Variants in HBS1L observed in about 807,000 individuals in gnomAD.
HBS1L encodes the protein HBS1 like translational GTPase.
In HBS1L, 55 loss-of-function variants were observed where a neutral mutation model predicts 88.9. That is an observed-to-expected ratio of 0.62 (90% CI 0.50 to 0.77). HBS1L has a LOEUF of 0.77. HBS1L is among the 30% of genes least tolerant of loss of function. The probability of loss-of-function intolerance (pLI) is 0.00; values close to 1 mark genes in which losing one functional copy is unlikely to be tolerated. For missense variants in HBS1L, 741 were observed against 829.3 expected (o/e 0.89, Z 1.31); for synonymous variants, 267 against 288.5 (o/e 0.93, Z 0.76).
intron 13 of HBS1L, among the ~76,000 whole-genome samples, chr6:134,981,897 T>C (rs1423498850): frequency 2.6e-5 from 4 of 152,164 alleles, no homozygotes. Context: ...TAGATCTATA[T>C]GCAGAAACAG....
Position 135,025,566 on chromosome 6 carries a change from G to A in HBS1L, c.430+14007C>T, listed in dbSNP as rs117414265. Among the ~76,000 whole-genome samples the A allele has an allele frequency of 6.6e-3, 1,005 of 152,192 alleles. 6 individuals are homozygous for A. The highest frequency in any genetic ancestry group is 0.011 in the Non-Finnish European group (730 of 68,024). ...TGACCTAAGGATAAACAGCAAGTTC[G>A]AGAGTACAAGGTGGTCCGAGCTCAG... On this transcript the variant is annotated intron_variant, in intron 4 of 17. Coordinates refer to ENST00000367837, the MANE Select transcript of HBS1L (RefSeq NM_006620.4).
chr6:135,039,585 T>C lies in HBS1L; in HGVS notation c.418A>G (p.Lys140Glu). 4 of 1,613,908 alleles carry C rather than the reference T, an allele frequency of 2.5e-6. No homozygotes were observed. Among genetic ancestry groups the C allele is most frequent in the Non-Finnish European group, 3.4e-6 (4 of 1,179,894 alleles). ...DKNEATVSTG[K>E]IAKGKPVDSQ... ...AGTAAAGGCATACCTTTTGCTATCT[T>C]TCCTGTAGATACTGTTGCCTCATTC... The change falls in exon 4 of 18, where the codon AAG becomes GAG. Residue 140 changes from lysine to glutamate, a missense_variant. Around this residue, in one of 3 missense-constraint regions of HBS1L, gnomAD observed 556 missense variants for 598.4 expected, o/e 0.93. Transcript: ENST00000367837.
chr6:135,011,776 C>T (rs960236674), intron 4 of HBS1L, among the ~76,000 whole-genome samples: 2 of 151,646 alleles, frequency 1.3e-5, no homozygotes, highest in Non-Finnish European at 2.9e-5. Flanking sequence ...CGTGGTGGCA[C>T]GCACCTGTAA....
chr6:135,042,814 A>T (rs1776783412), intron 2 of HBS1L, among the ~76,000 whole-genome samples: 1 of 91,042 alleles, frequency 1.1e-5, no homozygotes, highest in African/African-American at 5.4e-5. Flanking sequence ...ACTCCGTCTC[A>T]AAAAAAAAAA....
In HBS1L at chr6:135,052,041, A is replaced by C. The variant is rs556156540; in HGVS notation, c.44-1394T>G. Among the ~76,000 whole-genome samples the C allele has an allele frequency of 2.0e-5, 3 of 152,334 alleles. No homozygotes were observed. In the South Asian group the frequency reaches 6.2e-4, roughly 32 times the overall value. On this transcript the variant is annotated intron_variant, in intron 1 of 17. Coordinates refer to ENST00000367837, the MANE Select transcript of HBS1L (RefSeq NM_006620.4). ...AACTAGAACCGGGAGTGGGGCAGCT[A>C]GGGAAAGATCCCCATTAATATAATA...
intron 2 of HBS1L, among the ~76,000 whole-genome samples, chr6:135,048,451 C>A (rs1281207255): frequency 6.6e-6 from 1 of 152,188 alleles, no homozygotes; most frequent in Non-Finnish European, 1.5e-5. Flanking sequence ...ATCAGCCATG[C>A]AGTGCCTCCC....
rs1776562043 is a variant in HBS1L, at chr6:135,036,711, G to C, written c.430+2862C>G. The C allele has an allele frequency of 1.9e-6, 3 of 1,551,152 alleles. No individual in the cohort carries two copies. In the African/African-American group the frequency reaches 4.1e-5, roughly 21 times the overall value. On this transcript the variant is annotated intron_variant, in intron 4 of 17. Coordinates refer to ENST00000367837, the MANE Select transcript of HBS1L (RefSeq NM_006620.4). Reference sequence around the variant, plus strand: ...TACTATAAAGAAAAGTCTTATAGAGGTCAAGGGTGCGTCGCTTGCAGCTTT... The same window carrying C: ...TACTATAAAGAAAAGTCTTATAGAGCTCAAGGGTGCGTCGCTTGCAGCTTT...
In HBS1L at chr6:134,965,148, T is replaced by C; in HGVS notation, c.*131A>G. 1.2e-6 allele frequency: 1 copy of C among 805,538 alleles called. No individual in the cohort carries two copies. The highest frequency in any genetic ancestry group is 2.5e-5 in the East Asian group (1 of 39,752). The allele number at this position is 805,538 out of a possible 1,614,324, so 49.9% of individuals were successfully genotyped here. ...ATTAATACTTCTTTGCAGCTAATTT[T>C]AGCTTTAATTTTTCTCTCTCATCTA... On this transcript the variant is annotated 3_prime_UTR_variant, in exon 18 of 18. Transcript: ENST00000367837.
At chr6:134,975,477 T>C (rs181706174) in intron 15 of HBS1L, among the ~76,000 whole-genome samples, 24 of 152,238 alleles carry the variant, frequency 1.6e-4, no homozygotes, top group Non-Finnish European at 2.9e-4. Flanking sequence ...AGAGCAAATC[T>C]GGAGGCATCA....
At chr6:135,039,008 G>C (rs1776644786) in intron 4 of HBS1L, among the ~76,000 whole-genome samples, 1 of 152,030 alleles carries the variant, frequency 6.6e-6, no homozygotes, top group South Asian at 2.1e-4. Context: ...TTTCCACTAT[G>C]TTGTTATAAA....
intron 8 of HBS1L, among the ~76,000 whole-genome samples, chr6:134,988,044 G>A (rs1474478147): frequency 3.9e-5 from 6 of 152,156 alleles, no homozygotes; most frequent in African/African-American, 9.6e-5. Flanking sequence ...AAGCAAAGGA[G>A]GAAAAATATA....
chr6:135,045,339 A>C (rs1431476898), intron 2 of HBS1L, among the ~76,000 whole-genome samples: 1 of 152,220 alleles, frequency 6.6e-6, no homozygotes, highest in Non-Finnish European at 1.5e-5. Flanking sequence ...GACACCTATA[A>C]TTTTTAAAAT....
chr6:134,975,712 A>C (rs1774623558), intron 15 of HBS1L, among the ~76,000 whole-genome samples: 1 of 152,120 alleles, frequency 6.6e-6, no homozygotes, highest in Non-Finnish European at 1.5e-5. Context: ...CTGGATAGCT[A>C]CATATGGAAG....
intron 4 of HBS1L, chr6:135,036,783 A>G: frequency 6.4e-7 from 1 of 1,551,684 alleles, no homozygotes; most frequent in Non-Finnish European, 8.7e-7. Context: ...CTGAAGGTCT[A>G]GCAGCAAGGG....
At chr6:135,025,233 G>C (rs563333927) in intron 4 of HBS1L, among the ~76,000 whole-genome samples, 15 of 152,248 alleles carry the variant, frequency 9.9e-5, no homozygotes, top group African/African-American at 3.1e-4. Flanking sequence ...TAACACCAAA[G>C]CACAAACTAT....
chr6:134,966,227 T>G, intron 17 of HBS1L, 102 bp downstream of exon 17: 1 of 1,067,606 alleles, frequency 9.4e-7, no homozygotes. Flanking sequence ...AATCAATGCT[T>G]TTTCTTTCAT....
At chr6:135,020,838 CG>C (rs541254610) in intron 4 of HBS1L, among the ~76,000 whole-genome samples, 1 of 151,674 alleles carries the variant, frequency 6.6e-6, no homozygotes, top group South Asian at 2.1e-4. Flanking sequence ...CTAAATTTAT[CG>C]GTATTAAAAA....
At chr6:135,052,393 G>C (rs1247883057) in intron 1 of HBS1L, among the ~76,000 whole-genome samples, 1 of 151,976 alleles carries the variant, frequency 6.6e-6, no homozygotes, top group Non-Finnish European at 1.5e-5. Flanking sequence ...GGGCAACACA[G>C]CCGGATGCTG....
intron 5 of HBS1L, among the ~76,000 whole-genome samples, chr6:135,000,112 G>A (rs535570249): frequency 2.7e-4 from 41 of 151,944 alleles, no homozygotes; most frequent in Middle Eastern, 6.8e-3. Flanking sequence ...AGGCTGGAGC[G>A]CAGTGGTACA....
Sources: allele counts gnomAD v4.1 joint callset (sites outside exome capture counted in the v4.1 genomes callset), GRCh38; gene constraint gnomAD v4.1.1; regional missense constraint gnomAD v4.1.1; transcripts MANE v1.5; gene names NCBI Gene and HGNC (gene_info 2026-07-23, HGNC 2026-07-21).